The following CELF2 variants were observed in gnomAD, a reference collection of about 807,000 sequenced individuals.
The protein encoded by CELF2 is CUG triplet repeat RNA-binding protein 2.
CELF2 carries 8 observed loss-of-function variants against 62.6 expected under a neutral mutation model. That is an observed-to-expected ratio of 0.13 (90% CI 0.07 to 0.23). The LOEUF (loss-of-function observed/expected upper bound fraction) is 0.23. Among genes scored for constraint, CELF2 ranks in the 10% least tolerant of loss-of-function variants. The pLI is 1.00. For missense variants in CELF2, 333 were observed against 671.0 expected (o/e 0.50, Z 5.56); for synonymous variants, 258 against 250.0 (o/e 1.03, Z -0.30).
chr10:10,733,822 T>C, the CELF2 span, among the ~76,000 whole-genome samples: 3 of 152,164 alleles, frequency 2.0e-5, no homozygotes, highest in Non-Finnish European at 4.4e-5. Context: ...GAGGGAATTA[T>C]GGGAACTACA....
At chr10:10,624,594 C>A in the CELF2 span, among the ~76,000 whole-genome samples, 2 of 152,194 alleles carry the variant, frequency 1.3e-5, no homozygotes, top group African/African-American at 4.8e-5. Flanking sequence ...AGGCATGAGC[C>A]ACCACGCCCA....
intron 4 of CELF2, among the ~76,000 whole-genome samples, chr10:11,254,935 C>T (rs2078237273): frequency 6.6e-6 from 1 of 152,180 alleles, no homozygotes; most frequent in African/African-American, 2.4e-5. Flanking sequence ...TATTCCTTTT[C>T]TCCCCTTCCC....
intron 3 of CELF2, among the ~76,000 whole-genome samples, chr10:11,219,644 C>G (rs1181454505): frequency 6.6e-6 from 1 of 152,218 alleles, no homozygotes; most frequent in Non-Finnish European, 1.5e-5. Context: ...AGTTTCACAT[C>G]TTGCATTTAT....
At chr10:10,893,292 G>C (rs563823908) in intron 1 of CELF2, among the ~76,000 whole-genome samples, 1 of 152,322 alleles carries the variant, frequency 6.6e-6, no homozygotes, top group East Asian at 1.9e-4. Flanking sequence ...CATAGAGAAA[G>C]AGCTTAATTA....
At chr10:11,051,295 C>T (rs1022662900) in intron 1 of CELF2, among the ~76,000 whole-genome samples, 9 of 152,204 alleles carry the variant, frequency 5.9e-5, no homozygotes, top group Non-Finnish European at 1.3e-4. Flanking sequence ...TCTTTTACTG[C>T]ATTTCACTTG....
chr10:10,651,491 A>G, the CELF2 span, among the ~76,000 whole-genome samples: 12,931 of 78,900 alleles, frequency 0.16, 1,434 homozygotes, highest in South Asian at 0.34. Context: ...TTTGAAGAGA[A>G]CAGTGGTTCT....
chr10:10,685,972 T>A, the CELF2 span, among the ~76,000 whole-genome samples: 7 of 152,144 alleles, frequency 4.6e-5, no homozygotes, highest in Non-Finnish European at 8.8e-5. Context: ...CATGGTGGCC[T>A]GGGAGTGGCT....
intron 2 of CELF2, among the ~76,000 whole-genome samples, chr10:11,176,045 G>A (rs954846565): frequency 3.9e-5 from 6 of 152,176 alleles, no homozygotes; most frequent in African/African-American, 1.2e-4. Context: ...CAGAGAATGC[G>A]CTAGAGAGCG....
chr10:10,871,803 G>A (rs2060766898), intron 1 of CELF2, among the ~76,000 whole-genome samples: 2 of 152,098 alleles, frequency 1.3e-5, no homozygotes, highest in South Asian at 4.2e-4. Context: ...GAAGGAGAGA[G>A]GAAGTAGTGA....
At chr10:10,465,763 T>C in the CELF2 span, among the ~76,000 whole-genome samples, 1 of 152,240 alleles carries the variant, frequency 6.6e-6, no homozygotes, top group South Asian at 2.1e-4. Context: ...GGGTAACTTG[T>C]AAGGAAAAGA....
the CELF2 span, among the ~76,000 whole-genome samples, chr10:10,782,228 G>A: frequency 3.3e-5 from 5 of 152,314 alleles, no homozygotes; most frequent in South Asian, 1.0e-3. Flanking sequence ...AAAGTCCCAA[G>A]ATCTGCCAGC....
the CELF2 span, among the ~76,000 whole-genome samples, chr10:10,497,867 C>T: frequency 1.3e-5 from 2 of 152,120 alleles, no homozygotes; most frequent in Non-Finnish European, 2.9e-5. Context: ...AACTGGACCG[C>T]CTTACAATTT....
intron 2 of CELF2, chr10:10,924,142 C>A (rs1008961687): frequency 6.6e-6 from 1 of 151,440 alleles, no homozygotes; most frequent in African/African-American, 2.4e-5. Flanking sequence ...ATTAGCCGGG[C>A]GTGGTGGCGG....
At chr10:11,152,958 T>C (rs937144243) in intron 1 of CELF2, among the ~76,000 whole-genome samples, 2 of 152,188 alleles carry the variant, frequency 1.3e-5, no homozygotes, top group East Asian at 3.8e-4. Context: ...TCTCTAAAGC[T>C]CATAATCTTC....
At chr10:10,859,565 G>GA (rs1356106358) in intron 1 of CELF2, among the ~76,000 whole-genome samples, 4 of 152,078 alleles carry the variant, frequency 2.6e-5, no homozygotes, top group African/African-American at 9.7e-5. Context: ...ATTTCACATA[G>GA]AAAAATGTTT....
At chr10:10,977,321 G>T (rs1440914191) in intron 2 of CELF2, among the ~76,000 whole-genome samples, 1 of 152,178 alleles carries the variant, frequency 6.6e-6, no homozygotes, top group Admixed American at 6.5e-5. Context: ...GATGCTGCAG[G>T]TCCACGATGT....
chr10:10,732,356 C>T, the CELF2 span, among the ~76,000 whole-genome samples: 4 of 152,154 alleles, frequency 2.6e-5, no homozygotes, highest in African/African-American at 7.2e-5. Flanking sequence ...GCATCCTTGA[C>T]CTCAGCAGTA....
Position 10,890,485 on chromosome 10 carries a change from T to A in CELF2, c.54-29479T>A, listed in dbSNP as rs1591591083. 5.3e-5 allele frequency among the ~76,000 whole-genome samples: 8 copies of A among 152,350 alleles called. 1 individual carries two copies. The South Asian group carries it at 1.7e-3, about 32-fold the overall frequency. The stretch of plus-strand genomic sequence containing the variant: ...GCATTATTACAATTATTGAAATGAT[T>A]ACTTGATAATTTTACTGATTTTCCC... On this transcript the variant is annotated intron_variant, in intron 1 of 13. Coordinates refer to the CELF2 transcript ENST00000636488.
chr10:10,834,713 C>A (rs1003726144), intron 1 of CELF2, among the ~76,000 whole-genome samples: 1 of 152,162 alleles, frequency 6.6e-6, no homozygotes, highest in South Asian at 2.1e-4. Context: ...AGGAAGCTCA[C>A]GAGAAATCTT....
Sources: gnomAD v4.1 joint callset for allele counts (sites outside exome capture counted in the v4.1 genomes callset) on GRCh38, gnomAD v4.1.1 for gene constraint, MANE v1.5 for transcripts, NCBI Gene and HGNC (gene_info 2026-07-23, HGNC 2026-07-21) for gene names.